The following ASB7 variants were observed in gnomAD, a reference collection of about 807,000 sequenced individuals.
The protein encoded by ASB7 is ankyrin repeat and SOCS box protein 7.
In ASB7, 4 loss-of-function variants were observed where a neutral mutation model predicts 32.5. The ratio of observed to expected loss-of-function variants is 0.12; its 90% CI spans 0.06 to 0.28. ASB7 has a LOEUF of 0.28. Among genes scored for constraint, ASB7 ranks in the 10% least tolerant of loss-of-function variants. The probability of loss-of-function intolerance (pLI) is 1.00; values close to 1 mark genes in which losing one functional copy is unlikely to be tolerated. For missense variants in ASB7, 181 were observed against 407.1 expected, an observed-to-expected ratio of 0.44 and a Z score of 4.78; for synonymous variants, 172 against 155.6, an observed-to-expected ratio of 1.11 and a Z score of -0.78.
At chr15:100,604,823 A>T (rs949619201) in intron 2 of ASB7, among the ~76,000 whole-genome samples, 1 of 152,228 alleles carries the variant, frequency 6.6e-6, no homozygotes, top group African/African-American at 2.4e-5. Context: ...TTATGTAAGT[A>T]TGGAAGTTGT....
chr15:100,639,489 A>T (rs1223977285), intron 5 of ASB7, among the ~76,000 whole-genome samples: 1 of 152,210 alleles, frequency 6.6e-6, no homozygotes, highest in Non-Finnish European at 1.5e-5. Context: ...GTTAAACCCC[A>T]TATAGCAATA....
chr15:100,645,125 G>A (rs1293288278), intron 5 of ASB7, among the ~76,000 whole-genome samples: 1 of 152,220 alleles, frequency 6.6e-6, no homozygotes, highest in Non-Finnish European at 1.5e-5. Flanking sequence ...GTATGGTCTA[G>A]TGGGCCCTGG....
intron 5 of ASB7, among the ~76,000 whole-genome samples, chr15:100,632,856 CAAA>C (rs779025596): frequency 1.6e-5 from 1 of 64,200 alleles, no homozygotes; most frequent in African/African-American, 6.7e-5. Flanking sequence ...CTATATAGTG[CAAA>C]AAAAAAAAAA....
intron 4 of ASB7, 143 bp downstream of exon 4, chr15:100,612,570 A>T (rs148027260): frequency 1.3e-6 from 1 of 795,674 alleles, no homozygotes; most frequent in Non-Finnish European, 2.0e-6. Flanking sequence ...AAGATTTGCT[A>T]TAAGTGTGCC....
Position 100,612,611 on chromosome 15 carries a change from T to A in ASB7, c.211+184T>A. On this transcript the variant is annotated intron_variant, in intron 4 of 5. Coordinates refer to ENST00000332783, the MANE Select transcript of ASB7 (RefSeq NM_198243.3). ...GTTTAAAACCAGATTGTTTAAAAGA[T>A]CAGTTTTATGAATGGATTCTTTTCC... 11 of 639,488 alleles carry A rather than the reference T, an allele frequency of 1.7e-5. No homozygotes were observed. In the South Asian group the frequency reaches 2.2e-4, roughly 13 times the overall value. The allele number at this position is 639,488 out of a possible 1,614,324, so 39.6% of individuals were successfully genotyped here. A position where few individuals can be genotyped will look rare whatever the true frequency, so the allele number is the denominator to read the frequency against.
chr15:100,645,574 C>A, intron 5 of ASB7: 1 of 704,562 alleles, frequency 1.4e-6, no homozygotes, highest in Non-Finnish European at 2.7e-6. Context: ...AATCCCACAG[C>A]TTGACGGTGT....
chr15:100,636,817 C>T (rs761260856), intron 5 of ASB7, among the ~76,000 whole-genome samples: 34 of 152,198 alleles, frequency 2.2e-4, no homozygotes, highest in Non-Finnish European at 3.8e-4. Context: ...CGGGGCTTCT[C>T]AAGATTGTTT....
At chr15:100,628,528 T>C (rs1381036047) in intron 4 of ASB7, among the ~76,000 whole-genome samples, 1 of 152,164 alleles carries the variant, frequency 6.6e-6, no homozygotes, top group Non-Finnish European at 1.5e-5. Context: ...TTACATGGAA[T>C]TGCTGACTTC....
chr15:100,633,620 AGAAAGGAAGAAAGGAAG>A (rs889552369), intron 5 of ASB7, among the ~76,000 whole-genome samples: 3 of 146,674 alleles, frequency 2.0e-5, no homozygotes, highest in East Asian at 1.9e-4. Context: ...GGAAAGGGAA[AGAAAGGAAGAAAGGAAG>A]GAAAGGAAGA....
At chr15:100,621,421 T>C (rs1190179650) in intron 4 of ASB7, among the ~76,000 whole-genome samples, 4 of 152,108 alleles carry the variant, frequency 2.6e-5, no homozygotes, top group African/African-American at 9.7e-5. Flanking sequence ...GTAATTAGAG[T>C]ATGGTTACAG....
intron 5 of ASB7, among the ~76,000 whole-genome samples, chr15:100,642,502 A>G (rs1432701500): frequency 6.6e-6 from 1 of 152,162 alleles, no homozygotes; most frequent in Non-Finnish European, 1.5e-5. Context: ...ACTTTTTCAT[A>G]CAGCCCCAAC....
chr15:100,621,514 T>C (rs776499660), intron 4 of ASB7, among the ~76,000 whole-genome samples: 4 of 152,230 alleles, frequency 2.6e-5, no homozygotes, highest in African/African-American at 7.2e-5. Context: ...GCTATTCTTT[T>C]ACCTTTGAGT....
chr15:100,623,411 C>T (rs533523102), intron 4 of ASB7, among the ~76,000 whole-genome samples: 1 of 152,184 alleles, frequency 6.6e-6, no homozygotes, highest in South Asian at 2.1e-4. Context: ...CTCAAAAAAA[C>T]AAAAGTGAGC....
At chr15:100,624,015 A>T (rs911252110) in intron 4 of ASB7, among the ~76,000 whole-genome samples, 1 of 152,224 alleles carries the variant, frequency 6.6e-6, no homozygotes, top group African/African-American at 2.4e-5. Flanking sequence ...TTGCAGCCAC[A>T]TAGATGACGA....
At chr15:100,640,391 C>T (rs938475144) in intron 5 of ASB7, among the ~76,000 whole-genome samples, 1 of 152,136 alleles carries the variant, frequency 6.6e-6, no homozygotes, top group Non-Finnish European at 1.5e-5. Flanking sequence ...GTGATCTGCC[C>T]GCCTTAGCCT....
intron 4 of ASB7, among the ~76,000 whole-genome samples, chr15:100,624,836 A>G (rs79176323): frequency 0.016 from 2,369 of 152,310 alleles, 31 homozygotes; most frequent in Non-Finnish European, 0.022. Flanking sequence ...CTATAAGCCA[A>G]TATTTTTCAT....
chr15:100,607,705 C>A (rs547552168), intron 2 of ASB7, among the ~76,000 whole-genome samples: 1 of 152,170 alleles, frequency 6.6e-6, no homozygotes, highest in African/African-American at 2.4e-5. Flanking sequence ...TGGAATACCA[C>A]CTGGAGGTGC....
intron 5 of ASB7, among the ~76,000 whole-genome samples, chr15:100,632,871 A>G (rs1353227530): frequency 6.6e-6 from 1 of 152,038 alleles, no homozygotes; most frequent in African/African-American, 2.4e-5. Flanking sequence ...AAAAAAAAAA[A>G]ACAGAGCGCA....
At position 100,612,425 on chromosome 15, in the gene ASB7, G is replaced by C; in HGVS notation, c.209G>C (p.Gly70Ala). The change falls in exon 4 of 6, where the codon GGA becomes GCA. Residue 70 changes from glycine (G) to alanine (A), a missense_variant and splice_region_variant. Transcript: ENST00000332783. ...ERCVRVFLEH[G>A]ADPTVKDLIG... ...TGTGTTCGGGTTTTTCTAGAACACG[G>C]AGGTGAGTTTTGTAGAAGCAAATCT... is the stretch of plus-strand genomic sequence containing the variant. The C allele has an allele frequency of 6.2e-7, 1 of 1,608,004 alleles. No homozygotes were observed. Among genetic ancestry groups the C allele is most frequent in the Non-Finnish European group, 8.5e-7 (1 of 1,174,314 alleles).
Sources: allele counts gnomAD v4.1 joint callset (sites outside exome capture counted in the v4.1 genomes callset), GRCh38; gene constraint gnomAD v4.1.1; transcripts MANE v1.5; gene names NCBI Gene and HGNC (gene_info 2026-07-23, HGNC 2026-07-21).